Variants in CHST11 observed in about 807,000 individuals in gnomAD.
The protein encoded by CHST11 is carbohydrate sulfotransferase 11, also known as C4S-1.
Under a neutral mutation model 30.4 loss-of-function variants are expected in CHST11, and 9 were observed. The observed-to-expected ratio is 0.30, with a 90% CI of 0.18 to 0.52. The LOEUF (loss-of-function observed/expected upper bound fraction) is 0.52, where lower values mean the gene tolerates loss of function less well. CHST11 is among the 20% of genes least tolerant of loss of function. CHST11 has a pLI of 0.97. For missense variants in CHST11, 348 were observed against 460.6 expected, an observed-to-expected ratio of 0.76 and a Z score of 2.24; for synonymous variants, 152 against 187.8, an observed-to-expected ratio of 0.81 and a Z score of 1.56.
intron 1 of CHST11, among the ~76,000 whole-genome samples, chr12:104,490,429 T>G (rs2135967280): frequency 6.6e-6 from 1 of 152,308 alleles, no homozygotes; most frequent in East Asian, 1.9e-4. Context: ...AATATTAAAA[T>G]GGACACATAC....
chr12:104,540,138 G>C (rs766191005), intron 1 of CHST11, among the ~76,000 whole-genome samples: 33 of 152,216 alleles, frequency 2.2e-4, no homozygotes, highest in Non-Finnish European at 3.8e-4. Context: ...TTTGCTTTTT[G>C]GAACTTTATG....
chr12:104,634,460 G>T (rs1398228985), intron 2 of CHST11, among the ~76,000 whole-genome samples: 1 of 152,186 alleles, frequency 6.6e-6, no homozygotes, highest in African/African-American at 2.4e-5. Flanking sequence ...GCCGGGCCTG[G>T]AGCTGGTCCC....
intron 1 of CHST11, chr12:104,588,785 T>C (rs2038830041): frequency 6.6e-6 from 1 of 152,474 alleles, no homozygotes; most frequent in South Asian, 2.1e-4. Context: ...GGGCTCCGCC[T>C]CAGGGTGTTG....
chr12:104,637,013 C>T (rs936507917), intron 2 of CHST11, among the ~76,000 whole-genome samples: 13 of 151,718 alleles, frequency 8.6e-5, no homozygotes, highest in African/African-American at 3.2e-4. Context: ...AAAGAAAGAC[C>T]CTTGGCTGGC....
intron 2 of CHST11, among the ~76,000 whole-genome samples, chr12:104,725,571 TG>T (rs1054762360): frequency 1.3e-5 from 2 of 150,986 alleles, no homozygotes; most frequent in African/African-American, 4.9e-5. Flanking sequence ...CTCCCCGCCG[TG>T]GTTGTTTTCT....
chr12:104,717,817 G>T (rs994024304), intron 2 of CHST11, among the ~76,000 whole-genome samples: 1 of 151,732 alleles, frequency 6.6e-6, no homozygotes, highest in East Asian at 1.9e-4. Flanking sequence ...GGGCAAGGTG[G>T]TGGGCGCCTG....
At chr12:104,515,574 C>T (rs1360604840) in intron 1 of CHST11, among the ~76,000 whole-genome samples, 1 of 152,174 alleles carries the variant, frequency 6.6e-6, no homozygotes, top group Non-Finnish European at 1.5e-5. Flanking sequence ...GTGCCAGACA[C>T]TGTTAGGGGT....
At chr12:104,695,809 C>T (rs1385429354) in intron 2 of CHST11, among the ~76,000 whole-genome samples, 1 of 152,166 alleles carries the variant, frequency 6.6e-6, no homozygotes, top group African/African-American at 2.4e-5. Flanking sequence ...GGCATTGCCA[C>T]GTACAGAGTA....
intron 1 of CHST11, among the ~76,000 whole-genome samples, chr12:104,584,330 C>T (rs1280956997): frequency 2.7e-5 from 4 of 149,478 alleles, no homozygotes; most frequent in African/African-American, 9.9e-5. Context: ...AATCTACGCT[C>T]ACTGCAACCT....
At chr12:104,695,221 G>A (rs1004077809) in intron 2 of CHST11, among the ~76,000 whole-genome samples, 5 of 152,180 alleles carry the variant, frequency 3.3e-5, no homozygotes, top group Middle Eastern at 3.2e-3. Flanking sequence ...ACTAAATTTG[G>A]AAATTGCCAA....
At position 104,722,155 on chromosome 12, in the gene CHST11, A is replaced by AGTGTGTGTGTGTGTGTGTGT. The variant is rs57545833; in HGVS notation, c.205-34779_205-34760dup. On this transcript the variant is annotated intron_variant, in intron 2 of 2. Coordinates refer to ENST00000303694, the MANE Select transcript of CHST11 (RefSeq NM_018413.6). ...TGGCGCATACTACCACACTCAGCTA[A>AGTGTGTGTGTGTGTGTGTGT]GTGTGTGTGTGTGTGTGTGTGTGTG... Among the ~76,000 whole-genome samples the AGTGTGTGTGTGTGTGTGTGT allele has an allele frequency of 7.4e-3, 1,020 of 137,560 alleles. 32 individuals carry two copies. Among genetic ancestry groups the AGTGTGTGTGTGTGTGTGTGT allele is most frequent in the African/African-American group, 0.023 (795 of 34,078 alleles). The allele number at this position is 137,560 out of a possible 152,430, so 90.2% of individuals were successfully genotyped here. A position where few individuals can be genotyped will look rare whatever the true frequency, so the allele number is the denominator to read the frequency against.
chr12:104,746,445 C>T, intron 2 of CHST11, among the ~76,000 whole-genome samples: 1 of 152,196 alleles, frequency 6.6e-6, no homozygotes, highest in African/African-American at 2.4e-5. Context: ...AGAACTATCA[C>T]CCACCTGTGC....
intron 2 of CHST11, among the ~76,000 whole-genome samples, chr12:104,756,010 T>A (rs943890024): frequency 3.9e-5 from 6 of 152,148 alleles, no homozygotes; most frequent in Non-Finnish European, 8.8e-5. Context: ...AGTGTATGAA[T>A]GGGGGCTTGG....
At chr12:104,672,705 G>A (rs539457133) in intron 2 of CHST11, among the ~76,000 whole-genome samples, 40 of 152,338 alleles carry the variant, frequency 2.6e-4, no homozygotes, top group African/African-American at 9.4e-4. Flanking sequence ...GCTCTGCTGG[G>A]CAGCCTTCTT....
intron 2 of CHST11, among the ~76,000 whole-genome samples, chr12:104,719,462 C>T (rs1014890543): frequency 2.0e-5 from 3 of 152,210 alleles, no homozygotes; most frequent in Non-Finnish European, 4.4e-5. Flanking sequence ...CTGTCTCTCT[C>T]GTGCACAGGT....
chr12:104,734,481 C>A (rs2040283023), intron 2 of CHST11, among the ~76,000 whole-genome samples: 1 of 152,220 alleles, frequency 6.6e-6, no homozygotes, highest in Non-Finnish European at 1.5e-5. Context: ...GGCTGTGCTG[C>A]TAACAAGGGC....
chr12:104,760,437 G>A lies in CHST11; in HGVS notation c.*2634G>A, dbSNP rs945183631. 6 of 152,352 alleles carry A rather than the reference G, an allele frequency of 3.9e-5. No homozygotes were observed. The highest frequency in any genetic ancestry group is 9.6e-5 in the African/African-American group (4 of 41,472). 9.4% of individuals were successfully genotyped at this position (152,352 alleles called of 1,614,324 possible). On this transcript the variant is annotated 3_prime_UTR_variant, in exon 3 of 3. Transcript: ENST00000303694. ...ACAGAAGGAAGAGAGGAGAGGGTGAGTGGGGTATAGGGCCCAGGGTGGCTC... is the reference window on the plus strand; with the variant it reads ...ACAGAAGGAAGAGAGGAGAGGGTGAATGGGGTATAGGGCCCAGGGTGGCTC...
intron 1 of CHST11, among the ~76,000 whole-genome samples, chr12:104,523,432 C>G (rs2038092643): frequency 6.6e-6 from 1 of 152,184 alleles, no homozygotes; most frequent in South Asian, 2.1e-4. Flanking sequence ...CTGGGTATAA[C>G]CTGGCACTCA....
At chr12:104,638,312 A>ATGTGTG (rs3039210) in intron 2 of CHST11, among the ~76,000 whole-genome samples, 2 of 150,958 alleles carry the variant, frequency 1.3e-5, no homozygotes, top group Non-Finnish European at 3.0e-5. Flanking sequence ...GTGTGAACAG[A>ATGTGTG]TGTGTGTGTG....
Sources: allele counts gnomAD v4.1 joint callset (sites outside exome capture counted in the v4.1 genomes callset), GRCh38; gene constraint gnomAD v4.1.1; transcripts MANE v1.5; gene names NCBI Gene and HGNC (gene_info 2026-07-23, HGNC 2026-07-21).